The following WEE1 variants were observed in gnomAD, a reference collection of about 807,000 sequenced individuals.
The protein encoded by WEE1 is WEE1 G2 checkpoint kinase, also known as wee1-like protein kinase.
In WEE1, 16 loss-of-function variants were observed where a neutral mutation model predicts 68.8. That is an observed-to-expected ratio of 0.23 (90% confidence interval 0.16 to 0.35). The LOEUF (loss-of-function observed/expected upper bound fraction) is 0.35, where lower values mean the gene tolerates loss of function less well. WEE1 is among the 10% of genes least tolerant of loss of function. WEE1 has a pLI of 1.00. For missense variants in WEE1, 651 were observed against 824.1 expected (o/e 0.79, Z 2.57); for synonymous variants, 349 against 318.7 (o/e 1.09, Z -1.01).
At chr11:9,575,861 ATTGTAT>A in intron 1 of WEE1, 21 bp from the exon 2 acceptor site, 1 of 1,608,704 alleles carries the variant, frequency 6.2e-7, no homozygotes, top group Non-Finnish European at 8.5e-7. Flanking sequence ...GATCCTAAAA[ATTGTAT>A]TTGTATTTTT....
intron 6 of WEE1, among the ~76,000 whole-genome samples, chr11:9,584,113 TG>T (rs1565090294): frequency 2.0e-5 from 3 of 151,768 alleles, no homozygotes; most frequent in Admixed American, 2.0e-4. Context: ...CCCAAAGTGC[TG>T]GGATTACAGG....
rs760705497 is a variant in WEE1, at chr11:9,574,047, AGAGGAG to A, written c.125_130del (p.Glu42_Glu43del). 3 of 1,259,004 alleles carry A rather than the reference AGAGGAG, an allele frequency of 2.4e-6. No individual in the cohort carries two copies. The highest frequency in any genetic ancestry group is 1.6e-5 in the African/African-American group (1 of 64,106). The allele number at this position is 1,259,004 out of a possible 1,614,324, so 78.0% of individuals were successfully genotyped here. On this transcript the variant is annotated inframe_deletion, in exon 1 of 11. Transcript: ENST00000450114. The surrounding 1 kb of genome is among the most constrained non-coding windows in gnomAD (Gnocchi z 4.9). ...GCAGCGACTGTGAGGAGGAGGAAGA[AGAGGAG>A]GAGGAGGAGGGCAGCGGCCACAGCA...
rs1565087621 is a variant in WEE1, at chr11:9,577,145, G to A, written c.1023G>A (p.Gln341=). The A allele has an allele frequency of 6.2e-7, 1 of 1,606,830 alleles. No homozygotes were observed. Among genetic ancestry groups the A allele is most frequent in the Non-Finnish European group, 8.5e-7 (1 of 1,178,116 alleles). Residue 341 remains glutamine (Q), a synonymous_variant, in exon 5 of 11, where the codon CAG becomes CAA. Transcript: ENST00000450114. ...ATTAATCTCAAATTTCTTCTAGGCAGAACGCTTTGAGAGAAGTATATGCTC... is the reference window on the plus strand; with the variant it reads ...ATTAATCTCAAATTTCTTCTAGGCAAAACGCTTTGAGAGAAGTATATGCTC... The part of the protein sequence containing the change: ...KKPLAGSVDE[Q]NALREVYAHA...
At chr11:9,577,810 C>G (rs78686165) in intron 5 of WEE1, 9 of 448,504 alleles carry the variant, frequency 2.0e-5, no homozygotes, top group African/African-American at 4.0e-5. Flanking sequence ...TCTAGCTTGT[C>G]GTCTCTCCCT....
At chr11:9,586,350 G>C (rs543051235) in intron 8 of WEE1, 99 bp from the exon 9 acceptor site, 1 of 1,099,792 alleles carries the variant, frequency 9.1e-7, no homozygotes, top group African/African-American at 1.6e-5. Context: ...TAGACACTTT[G>C]ATTAAGTCCT....
chr11:9,587,201 T>C (rs2134358432), intron 10 of WEE1, among the ~76,000 whole-genome samples: 1 of 152,322 alleles, frequency 6.6e-6, no homozygotes, highest in East Asian at 1.9e-4. Flanking sequence ...GCTCAAACCA[T>C]CCACCTGTCT....
At position 9,573,746 on chromosome 11, in the gene WEE1, C is replaced by A. The variant is rs1215398566; in HGVS notation, c.-188C>A. 7.4e-6 allele frequency: 2 copies of A among 271,022 alleles called. No homozygotes were observed. The highest frequency in any genetic ancestry group is 1.2e-5 in the Non-Finnish European group (2 of 163,760). 16.8% of individuals were successfully genotyped at this position (271,022 alleles called of 1,614,324 possible). A position where few individuals can be genotyped will look rare whatever the true frequency, so the allele number is the denominator to read the frequency against. On this transcript the variant is annotated 5_prime_UTR_variant, in exon 1 of 11. Coordinates refer to ENST00000450114, the MANE Select transcript of WEE1 (RefSeq NM_003390.4). Reference sequence around the variant, plus strand: ...GCCGCCCCGCCTCTGCCGGAAAGTCCGCGCCGCCGCTGCCGCCACCGTCCG... The same window carrying A: ...GCCGCCCCGCCTCTGCCGGAAAGTCAGCGCCGCCGCTGCCGCCACCGTCCG...
rs1359566619 is a variant in WEE1, at chr11:9,589,630, CAG to C, written c.*1030_*1031del. The C allele has an allele frequency of 5.1e-6, 5 of 982,728 alleles. No individual in the cohort carries two copies. The South Asian group carries it at 1.4e-4, about 28-fold the overall frequency. 60.9% of individuals were successfully genotyped at this position (982,728 alleles called of 1,614,324 possible). On this transcript the variant is annotated 3_prime_UTR_variant, in exon 11 of 11. Coordinates refer to ENST00000450114, the MANE Select transcript of WEE1 (RefSeq NM_003390.4). ...CCATTTGACTAATAATACTGGCTAA[CAG>C]ATGTTGAAAAAAATTGTCTGTTTGT...
intron 8 of WEE1, 129 bp from the exon 9 acceptor site, chr11:9,586,320 C>T (rs2134357105): frequency 1.3e-6 from 1 of 771,402 alleles, no homozygotes; most frequent in Non-Finnish European, 2.0e-6. Context: ...CTGAATAGGT[C>T]CCAAACTTAA....
chr11:9,576,440 G>C lies in WEE1; in HGVS notation c.847-47G>C, dbSNP rs777228149. ...CCTATCACCATAGCAAGAAATAACT[G>C]TTTTCGTATATTTGTATTACATATA... On this transcript the variant is annotated intron_variant, in intron 3 of 10. Transcript: ENST00000450114. The surrounding 1 kb of genome is among the most constrained non-coding windows in gnomAD (Gnocchi z 4.3). The C allele has an allele frequency of 1.9e-6, 3 of 1,587,742 alleles. No homozygotes were observed. The South Asian group carries it at 3.5e-5, about 18-fold the overall frequency.
At position 9,588,685 on chromosome 11, in the gene WEE1, A is replaced by G; in HGVS notation, c.*83A>G. On this transcript the variant is annotated 3_prime_UTR_variant, in exon 11 of 11. Transcript: ENST00000450114. The stretch of plus-strand genomic sequence containing the variant: ...CACTGATAGAATCCAGTTTGCAATT[A>G]CTTTCTCGATTGGTGTCAGTAGTTT... 2.1e-6 allele frequency: 3 copies of G among 1,404,474 alleles called. No individual in the cohort carries two copies. The South Asian group carries it at 5.3e-5, about 25-fold the overall frequency. The allele number at this position is 1,404,474 out of a possible 1,614,324, so 87.0% of individuals were successfully genotyped here.
Position 9,574,394 on chromosome 11 carries a change from G to A in WEE1, c.461G>A (p.Cys154Tyr), listed in dbSNP as rs1332622305. ...CCAGGAGATGCGTCGCCGCGGGGTT[G>A]CGGGGCGCGCCGGGCGGGCGAAGGC... ...GGPGDASPRG[C>Y]GARRAGEGRR... Residue 154 changes from cysteine (C) to tyrosine (Y), a missense_variant, in exon 1 of 11, where the codon TGC becomes TAC. By Grantham distance (194) the Cys-to-Tyr change is radical. Coordinates refer to ENST00000450114, the MANE Select transcript of WEE1 (RefSeq NM_003390.4). The surrounding 1 kb of genome is among the most constrained non-coding windows in gnomAD (Gnocchi z 4.9). The A allele has an allele frequency of 8.2e-7, 1 of 1,214,514 alleles. No homozygotes were observed. Among genetic ancestry groups the A allele is most frequent in the African/African-American group, 1.6e-5 (1 of 62,746 alleles). The allele number at this position is 1,214,514 out of a possible 1,614,324, so 75.2% of individuals were successfully genotyped here. A position where few individuals can be genotyped will look rare whatever the true frequency, so the allele number is the denominator to read the frequency against.
intron 6 of WEE1, among the ~76,000 whole-genome samples, chr11:9,583,281 C>G (rs989345605): frequency 8.0e-5 from 12 of 150,802 alleles, no homozygotes; most frequent in Non-Finnish European, 1.5e-5. Context: ...CCATTGCACT[C>G]CATCCTAGGC....
chr11:9,581,759 T>C (rs1319684274), intron 6 of WEE1, 81 bp downstream of exon 6: 2 of 1,362,562 alleles, frequency 1.5e-6, no homozygotes, highest in Non-Finnish European at 2.0e-6. Context: ...ATTGAAAAAA[T>C]ATATATCTTC....
intron 5 of WEE1, 36 bp from the exon 6 acceptor site, chr11:9,581,496 A>G: frequency 6.4e-7 from 1 of 1,560,006 alleles, no homozygotes; most frequent in South Asian, 1.2e-5. Context: ...AATATTTCAG[A>G]AAGAAGAAAA....
chr11:9,586,493 C>G lies in WEE1; in HGVS notation c.1515C>G (p.Leu505=), dbSNP rs770676879. ...AAGCAGATATTTTTGCGCTTGCCCT[C>G]ACAGTGGTATGTGCTGCTGGTGCTG... is the stretch of plus-strand genomic sequence containing the variant. ...LPKADIFALA[L]TVVCAAGAEP... The change falls in exon 9 of 11, where the codon CTC becomes CTG. Residue 505 remains leucine (L), a synonymous_variant. Coordinates refer to ENST00000450114, the MANE Select transcript of WEE1 (RefSeq NM_003390.4). 1 of 1,613,984 alleles carries G rather than the reference C, an allele frequency of 6.2e-7. No homozygotes were observed. The highest frequency in any genetic ancestry group is 2.2e-5 in the East Asian group (1 of 44,878).
Position 9,584,871 on chromosome 11 carries a change from GTT to G in WEE1, c.1289-385_1289-384del, listed in dbSNP as rs1849682907. Among the ~76,000 whole-genome samples, 3 of 152,130 alleles carry G rather than the reference GTT, an allele frequency of 2.0e-5. No individual in the cohort carries two copies. In the South Asian group the frequency reaches 6.2e-4, roughly 32 times the overall value. ...GCTGGAGGATCACTTGAGGCCAGGA[GTT>G]TGATCAGCCTGGCCAACATAGTGAA... On this transcript the variant is annotated intron_variant, in intron 6 of 10. Coordinates refer to ENST00000450114, the MANE Select transcript of WEE1 (RefSeq NM_003390.4).
At chr11:9,583,796 CACACACATATATATATATATATATAT>C (rs1322948263) in intron 6 of WEE1, among the ~76,000 whole-genome samples, 16 of 26,052 alleles carry the variant, frequency 6.1e-4, no homozygotes, top group South Asian at 1.4e-3. Context: ...CACACACACA[CACACACATATATATATATATATATAT>C]ATATATATAT....
At chr11:9,583,064 C>T (rs926215054) in intron 6 of WEE1, among the ~76,000 whole-genome samples, 1 of 151,912 alleles carries the variant, frequency 6.6e-6, no homozygotes, top group South Asian at 2.1e-4. Flanking sequence ...GCCTGTAATC[C>T]CAGCACTCTG....
Sources: gnomAD v4.1 joint callset for allele counts (sites outside exome capture counted in the v4.1 genomes callset) on GRCh38, gnomAD v4.1.1 for gene constraint, Gnocchi (gnomAD v3.1) non-coding constraint, MANE v1.5 for transcripts, NCBI Gene and HGNC (gene_info 2026-07-23, HGNC 2026-07-21) for gene names.